Variants in ENTHD1 observed in about 807,000 individuals in gnomAD.
ENTHD1 encodes ENTH domain-containing protein 1.
A neutral mutation model predicts 39.1 loss-of-function variants in ENTHD1; 23 were observed. That is an observed-to-expected ratio of 0.59 (90% CI 0.42 to 0.83). ENTHD1 has a LOEUF of 0.83. Ranked by LOEUF, ENTHD1 falls within the 40% of genes least tolerant of loss-of-function variation. The pLI is 0.00. For missense variants in ENTHD1, 624 were observed against 705.4 expected (o/e 0.88, Z 1.31); for synonymous variants, 230 against 258.2 (o/e 0.89, Z 1.05).
chr22:39,809,489 G>C (rs1033115877), intron 5 of ENTHD1, among the ~76,000 whole-genome samples: 3 of 152,182 alleles, frequency 2.0e-5, no homozygotes, highest in African/African-American at 7.2e-5. Flanking sequence ...AAAAGAATGA[G>C]AGCGTGAGAA....
chr22:39,857,391 C>T (rs1478970313), intron 3 of ENTHD1, among the ~76,000 whole-genome samples: 1 of 136,708 alleles, frequency 7.3e-6, no homozygotes, highest in East Asian at 2.2e-4. Context: ...TGCAGTGAGC[C>T]GAGATGGTGC....
At chr22:39,875,498 C>T in intron 2 of ENTHD1, 1 of 1,591,712 alleles carries the variant, frequency 6.3e-7, no homozygotes, top group East Asian at 2.2e-5. Flanking sequence ...CTCCGTGGGC[C>T]TCAATGTCCC....
At chr22:39,771,870 C>A (rs942832917) in intron 5 of ENTHD1, among the ~76,000 whole-genome samples, 1 of 152,098 alleles carries the variant, frequency 6.6e-6, no homozygotes, top group Non-Finnish European at 1.5e-5. Context: ...AGACAAAGTA[C>A]ACCAGATGGA....
intron 5 of ENTHD1, among the ~76,000 whole-genome samples, chr22:39,776,464 A>T (rs1444521920): frequency 6.6e-6 from 1 of 152,212 alleles, no homozygotes; most frequent in Non-Finnish European, 1.5e-5. Context: ...GTATTGAATT[A>T]TGAGACTATA....
At position 39,765,307 on chromosome 22, in the gene ENTHD1, C is replaced by T. The variant is rs768628989; in HGVS notation, c.1135G>A (p.Glu379Lys). The change falls in exon 6 of 7, where the codon GAG becomes AAG. Residue 379 changes from glutamate (E) to lysine (K), a missense_variant. By Grantham distance (56) the Glu-to-Lys change is moderately conservative (BLOSUM62 1). Coordinates refer to ENST00000325157, the MANE Select transcript of ENTHD1 (RefSeq NM_152512.4). ...TGGTAGGCCTTGTTGATTACAATCT[C>T]CTTCACTCGGTCAAATATTTTGAAT... is the stretch of plus-strand genomic sequence containing the variant. ...PSFKIFDRVK[E>K]IVINKAYQKP... 2 of 1,613,666 alleles carry T rather than the reference C, an allele frequency of 1.2e-6. No individual in the cohort carries two copies. The highest frequency in any genetic ancestry group is 1.7e-6 in the Non-Finnish European group (2 of 1,179,902).
chr22:39,813,925 C>A lies in ENTHD1; in HGVS notation c.832+7068G>T, dbSNP rs73888175. The stretch of plus-strand genomic sequence containing the variant: ...CATTTTCATCAACAAACAGAAAATG[C>A]AATTTATAAAATGACACATTTTAGA... On this transcript the variant is annotated intron_variant, in intron 5 of 6. Transcript: ENST00000325157. Among the ~76,000 whole-genome samples, 1,122 of 151,996 alleles carry A rather than the reference C, an allele frequency of 7.4e-3. 15 individuals carry two copies. The highest frequency in any genetic ancestry group is 0.026 in the African/African-American group (1,075 of 41,468).
intron 3 of ENTHD1, among the ~76,000 whole-genome samples, chr22:39,847,633 C>T (rs2066001381): frequency 6.6e-6 from 1 of 151,470 alleles, no homozygotes; most frequent in African/African-American, 2.4e-5. Flanking sequence ...CTCAAGAAAT[C>T]CTTCCGCCTT....
intron 2 of ENTHD1, among the ~76,000 whole-genome samples, chr22:39,887,160 T>TC (rs1330358099): frequency 6.6e-6 from 1 of 152,096 alleles, no homozygotes; most frequent in African/African-American, 2.4e-5. Flanking sequence ...TATAAAATGA[T>TC]CCCCCAAAAC....
intron 6 of ENTHD1, among the ~76,000 whole-genome samples, chr22:39,752,975 A>T (rs2065158677): frequency 6.6e-6 from 1 of 152,182 alleles, no homozygotes; most frequent in African/African-American, 2.4e-5. Context: ...TGCATGGTTA[A>T]TGGGTCTTGT....
intron 3 of ENTHD1, among the ~76,000 whole-genome samples, chr22:39,843,319 A>G (rs982764211): frequency 4.8e-4 from 73 of 152,208 alleles, no homozygotes; most frequent in Middle Eastern, 3.4e-3. Context: ...AGGGACATGG[A>G]TGAAACTGGA....
intron 2 of ENTHD1, among the ~76,000 whole-genome samples, chr22:39,884,598 C>T (rs1390658691): frequency 6.6e-6 from 1 of 151,816 alleles, no homozygotes; most frequent in African/African-American, 2.4e-5. Context: ...ACTCACACTC[C>T]TTAATTTTAA....
chr22:39,861,829 T>C lies in ENTHD1; in HGVS notation c.528A>G (p.Thr176=). Residue 176 remains threonine (T), a synonymous_variant, in exon 3 of 7, where the codon ACA becomes ACG. Coordinates refer to ENST00000325157, the MANE Select transcript of ENTHD1 (RefSeq NM_152512.4). ...TCTTCTCTGAAGCAGAAATATCCGG[T>C]GTGGGGGCAGAAGTGCACGCTGTCA... is the stretch of plus-strand genomic sequence containing the variant. ...NSLTACTSAP[T]PDISASEKKY... is the part of the protein sequence containing the mutation. The C allele has an allele frequency of 6.3e-7, 1 of 1,597,740 alleles. No homozygotes were observed. The highest frequency in any genetic ancestry group is 8.6e-7 in the Non-Finnish European group (1 of 1,169,558).
intron 2 of ENTHD1, among the ~76,000 whole-genome samples, chr22:39,870,545 GATAA>G (rs1251913281): frequency 6.6e-6 from 1 of 152,088 alleles, no homozygotes; most frequent in Non-Finnish European, 1.5e-5. Flanking sequence ...GACGAAGTAA[GATAA>G]ATAAAAATAA....
At chr22:39,766,125 T>C (rs2065276449) in intron 5 of ENTHD1, among the ~76,000 whole-genome samples, 1 of 150,488 alleles carries the variant, frequency 6.6e-6, no homozygotes, top group Admixed American at 6.6e-5. Flanking sequence ...CAAGGCACAT[T>C]AAAGAAACTC....
chr22:39,771,114 C>T (rs2065318851), intron 5 of ENTHD1, among the ~76,000 whole-genome samples: 1 of 151,954 alleles, frequency 6.6e-6, no homozygotes, highest in Non-Finnish European at 1.5e-5. Flanking sequence ...GTTTTTAATA[C>T]TTAATGTTTT....
At chr22:39,852,778 A>C (rs969930754) in intron 3 of ENTHD1, among the ~76,000 whole-genome samples, 32 of 152,372 alleles carry the variant, frequency 2.1e-4, no homozygotes, top group Middle Eastern at 3.4e-3. Context: ...TGGGACCAGT[A>C]TCATACACGC....
intron 5 of ENTHD1, among the ~76,000 whole-genome samples, chr22:39,781,155 C>T (rs2065407014): frequency 6.6e-6 from 1 of 152,200 alleles, no homozygotes; most frequent in Non-Finnish European, 1.5e-5. Flanking sequence ...CTAGACCTAA[C>T]AGGCCTAACT....
intron 5 of ENTHD1, among the ~76,000 whole-genome samples, chr22:39,775,470 A>G (rs1191534947): frequency 2.6e-5 from 4 of 152,208 alleles, no homozygotes; most frequent in Non-Finnish European, 2.9e-5. Flanking sequence ...GGATCACACA[A>G]TGATTAAAGA....
chr22:39,890,585 A>C (rs930141987), intron 1 of ENTHD1, among the ~76,000 whole-genome samples: 4 of 152,124 alleles, frequency 2.6e-5, no homozygotes, highest in Non-Finnish European at 5.9e-5. Context: ...GAACAATCGT[A>C]ATTTTTAGGT....
Sources: allele counts gnomAD v4.1 joint callset (sites outside exome capture counted in the v4.1 genomes callset), GRCh38; gene constraint gnomAD v4.1.1; transcripts MANE v1.5; gene names NCBI Gene and HGNC (gene_info 2026-07-23, HGNC 2026-07-21).